BBX: variants seen among roughly 807,000 people sequenced by gnomAD.
BBX encodes BBX high mobility group box domain containing.
Under a neutral mutation model 100.2 loss-of-function variants are expected in BBX, and 30 were observed. The ratio of observed to expected loss-of-function variants is 0.30; its 90% CI spans 0.22 to 0.41. The LOEUF is 0.41. BBX is among the 10% of genes least tolerant of loss of function. The pLI is 1.00. For missense variants in BBX, 1,023 were observed against 1,129.8 expected (o/e 0.91, Z 1.35); for synonymous variants, 376 against 388.1 (o/e 0.97, Z 0.37).
chr3:107,581,466 G>A (rs770837481), intron 2 of BBX, among the ~76,000 whole-genome samples: 14 of 151,648 alleles, frequency 9.2e-5, no homozygotes, highest in Middle Eastern at 3.4e-3. Context: ...TTGAAGTGAA[G>A]AGACTATATT....
intron 16 of BBX, among the ~76,000 whole-genome samples, chr3:107,799,838 A>G (rs1409413586): frequency 6.6e-6 from 1 of 152,102 alleles, no homozygotes; most frequent in African/African-American, 2.4e-5. Flanking sequence ...GAGGAGCCCA[A>G]GGTAAGGGGT....
At chr3:107,713,869 G>A (rs984937078) in intron 4 of BBX, among the ~76,000 whole-genome samples, 4 of 148,246 alleles carry the variant, frequency 2.7e-5, no homozygotes, top group Admixed American at 6.8e-5. Context: ...CTTAATCCCT[G>A]TTAGTTCCCC....
At chr3:107,749,800 A>AT (rs1205689778) in intron 9 of BBX, among the ~76,000 whole-genome samples, 8 of 151,922 alleles carry the variant, frequency 5.3e-5, no homozygotes, top group Non-Finnish European at 1.2e-4. Flanking sequence ...CGCCCGGCTA[A>AT]TTTTTGTATT....
chr3:107,741,862 A>C (rs1560076979), intron 7 of BBX, among the ~76,000 whole-genome samples: 1 of 152,218 alleles, frequency 6.6e-6, no homozygotes, highest in Non-Finnish European at 1.5e-5. Flanking sequence ...TTATATAGAT[A>C]GAATTTCTTA....
chr3:107,595,124 T>C (rs2053591991), intron 2 of BBX, among the ~76,000 whole-genome samples: 1 of 152,238 alleles, frequency 6.6e-6, no homozygotes, highest in South Asian at 2.1e-4. Context: ...GGAACTAGGC[T>C]GGACCATCCA....
intron 2 of BBX, among the ~76,000 whole-genome samples, chr3:107,637,516 C>T (rs1236248866): frequency 6.6e-6 from 1 of 152,156 alleles, no homozygotes; most frequent in Non-Finnish European, 1.5e-5. Context: ...GTGTACTGAC[C>T]ATGGCAGTAG....
intron 17 of BBX, among the ~76,000 whole-genome samples, chr3:107,803,087 A>G (rs1239596714): frequency 6.6e-6 from 1 of 152,258 alleles, no homozygotes; most frequent in Non-Finnish European, 1.5e-5. Flanking sequence ...AGTTCCTGTT[A>G]TAACAATTGA....
intron 2 of BBX, among the ~76,000 whole-genome samples, chr3:107,633,242 CAT>C (rs1248787558): frequency 3.3e-5 from 5 of 151,942 alleles, no homozygotes; most frequent in Non-Finnish European, 7.4e-5. Context: ...TTTTGAATTT[CAT>C]ATGTTAACAG....
At chr3:107,558,483 G>A (rs1364356416) in intron 2 of BBX, among the ~76,000 whole-genome samples, 1 of 151,966 alleles carries the variant, frequency 6.6e-6, no homozygotes, top group Non-Finnish European at 1.5e-5. Flanking sequence ...GCGAGACTCT[G>A]TCTCAAAAAC....
At chr3:107,701,489 G>A (rs1348944115) in intron 3 of BBX, among the ~76,000 whole-genome samples, 2 of 152,218 alleles carry the variant, frequency 1.3e-5, no homozygotes, top group African/African-American at 2.4e-5. Context: ...AATAAAATTT[G>A]TGATGATGAA....
intron 3 of BBX, among the ~76,000 whole-genome samples, chr3:107,652,285 G>C (rs912700183): frequency 6.6e-6 from 1 of 151,408 alleles, no homozygotes; most frequent in Non-Finnish European, 1.5e-5. Context: ...TAGTGATTTG[G>C]CATTTGTCTA....
intron 2 of BBX, among the ~76,000 whole-genome samples, chr3:107,625,211 C>G (rs969131745): frequency 2.6e-5 from 4 of 152,112 alleles, no homozygotes; most frequent in Non-Finnish European, 4.4e-5. Flanking sequence ...CTACATGATT[C>G]ATTTTGATTG....
intron 7 of BBX, among the ~76,000 whole-genome samples, chr3:107,743,918 G>GTTTTTTTT (rs34762783): frequency 5.5e-4 from 31 of 56,620 alleles, no homozygotes; most frequent in South Asian, 2.0e-3. Flanking sequence ...TGTTTTAGTG[G>GTTTTTTTT]TTTTTTTTTT....
intron 2 of BBX, among the ~76,000 whole-genome samples, chr3:107,562,363 G>A (rs2050565448): frequency 6.6e-6 from 1 of 152,098 alleles, no homozygotes; most frequent in Admixed American, 6.6e-5. Context: ...CAGATGTAGA[G>A]TGTCTTAAAA....
At chr3:107,620,573 A>G (rs1335541942) in intron 2 of BBX, among the ~76,000 whole-genome samples, 1 of 152,208 alleles carries the variant, frequency 6.6e-6, no homozygotes, top group Admixed American at 6.5e-5. Context: ...CTGTCTTATT[A>G]TTGCAAGATG....
intron 2 of BBX, among the ~76,000 whole-genome samples, chr3:107,585,836 G>A (rs539140573): frequency 4.1e-4 from 62 of 152,132 alleles, no homozygotes; most frequent in Non-Finnish European, 6.6e-4. Context: ...CACAGTAGGC[G>A]GATGTAAGAA....
chr3:107,547,793 C>T (rs1416966563), intron 2 of BBX, among the ~76,000 whole-genome samples: 6 of 151,928 alleles, frequency 3.9e-5, no homozygotes, highest in Admixed American at 6.6e-5. Flanking sequence ...TCTTTCCCTT[C>T]TATTGATCTT....
At chr3:107,681,214 C>T (rs981888661) in intron 3 of BBX, among the ~76,000 whole-genome samples, 1 of 151,944 alleles carries the variant, frequency 6.6e-6, no homozygotes, top group African/African-American at 2.4e-5. Flanking sequence ...CCAGAGGTCA[C>T]GTAGAAAATA....
intron 10 of BBX, among the ~76,000 whole-genome samples, chr3:107,757,511 G>A (rs2065577043): frequency 1.3e-5 from 2 of 152,074 alleles, no homozygotes; most frequent in Admixed American, 1.3e-4. Flanking sequence ...TGACATTTGA[G>A]CAAAGATTTA....
Sources: allele counts gnomAD v4.1 joint callset (sites outside exome capture counted in the v4.1 genomes callset), GRCh38; gene constraint gnomAD v4.1.1; transcripts MANE v1.5; gene names NCBI Gene and HGNC (gene_info 2026-07-23, HGNC 2026-07-21).